The following MYO3B variants were observed in gnomAD, a reference collection of about 807,000 sequenced individuals.
The protein encoded by MYO3B is myosin-IIIb.
In MYO3B, 156 loss-of-function variants were observed where a neutral mutation model predicts 174.6. That is an observed-to-expected ratio of 0.89 (90% CI 0.78 to 1.02). MYO3B has a LOEUF of 1.02. Among genes scored for constraint, MYO3B ranks in the 50% least tolerant of loss-of-function variants. The pLI is 0.00. For missense variants in MYO3B, 1,632 were observed against 1,639.4 expected (o/e 1.00, Z 0.08); for synonymous variants, 563 against 569.1 (o/e 0.99, Z 0.15).
At chr2:170,552,570 G>A (rs1158168884) in intron 32 of MYO3B, among the ~76,000 whole-genome samples, 1 of 152,150 alleles carries the variant, frequency 6.6e-6, no homozygotes, top group Non-Finnish European at 1.5e-5. Flanking sequence ...CATAAACAAA[G>A]AAATGACCTG....
At chr2:170,190,005 T>A (rs1476142358) in intron 1 of MYO3B, among the ~76,000 whole-genome samples, 1 of 152,168 alleles carries the variant, frequency 6.6e-6, no homozygotes, top group Non-Finnish European at 1.5e-5. Flanking sequence ...CAAAGGGACA[T>A]GAGTGTTGTG....
chr2:170,178,165 T>C lies in MYO3B; in HGVS notation c.-123T>C. On this transcript the variant is annotated 5_prime_UTR_variant, in exon 1 of 35. Transcript: ENST00000408978. ...GGAACCTAGATCGAAAGTCCTTTGG[T>C]AATGATGTGTCATACATTCTAGTCA... is the stretch of plus-strand genomic sequence containing the variant. The C allele has an allele frequency of 1.7e-6, 2 of 1,199,186 alleles. No homozygotes were observed. Among genetic ancestry groups the C allele is most frequent in the Non-Finnish European group, 2.5e-6 (2 of 802,214 alleles). The allele number at this position is 1,199,186 out of a possible 1,614,324, so 74.3% of individuals were successfully genotyped here. A position where few individuals can be genotyped will look rare whatever the true frequency, so the allele number is the denominator to read the frequency against.
At chr2:170,347,136 CTG>C (rs1378669362) in intron 8 of MYO3B, among the ~76,000 whole-genome samples, 2 of 152,114 alleles carry the variant, frequency 1.3e-5, no homozygotes, top group Non-Finnish European at 1.5e-5. Context: ...TTGGAGTTGT[CTG>C]TGTGAGGAGT....
At chr2:170,244,660 G>A (rs561650628) in intron 7 of MYO3B, among the ~76,000 whole-genome samples, 1 of 152,250 alleles carries the variant, frequency 6.6e-6, no homozygotes, top group East Asian at 1.9e-4. Flanking sequence ...CTTTCGCCTT[G>A]GGATAATTAC....
chr2:170,225,222 T>C (rs887752444), intron 6 of MYO3B, among the ~76,000 whole-genome samples: 35 of 152,158 alleles, frequency 2.3e-4, no homozygotes, highest in African/African-American at 8.2e-4. Flanking sequence ...AAAAAGGGGG[T>C]GCTATTGCTA....
chr2:170,352,361 A>G (rs1193628727), intron 8 of MYO3B, among the ~76,000 whole-genome samples: 2 of 152,272 alleles, frequency 1.3e-5, no homozygotes, highest in Non-Finnish European at 1.5e-5. Flanking sequence ...TGTTAAAACT[A>G]TAGAAAAACA....
chr2:170,519,415 AG>A, intron 29 of MYO3B, 22 bp from the exon 30 acceptor site: 1 of 1,601,842 alleles, frequency 6.2e-7, no homozygotes, highest in East Asian at 2.2e-5. Flanking sequence ...ACATATGCTT[AG>A]CCCTCCTTTC....
chr2:170,389,810 A>T (rs1386963628), intron 14 of MYO3B, among the ~76,000 whole-genome samples: 1 of 152,130 alleles, frequency 6.6e-6, no homozygotes, highest in African/African-American at 2.4e-5. Flanking sequence ...ATCCTCATTC[A>T]GTCTATTAGG....
chr2:170,280,098 T>C (rs559604908), intron 7 of MYO3B, among the ~76,000 whole-genome samples: 7 of 152,282 alleles, frequency 4.6e-5, no homozygotes, highest in South Asian at 4.1e-4. Flanking sequence ...TATAAGTGTT[T>C]TGTTTTCTCC....
intron 32 of MYO3B, among the ~76,000 whole-genome samples, chr2:170,633,008 T>C (rs560030431): frequency 1.3e-4 from 19 of 151,938 alleles, no homozygotes; most frequent in Non-Finnish European, 2.4e-4. Flanking sequence ...AAGTCCAGGG[T>C]CAGACAGATT....
chr2:170,235,133 A>G (rs373957853), intron 6 of MYO3B, among the ~76,000 whole-genome samples: 10 of 152,332 alleles, frequency 6.6e-5, no homozygotes, highest in African/African-American at 2.4e-4. Context: ...GTTTTGGATC[A>G]TCAGACATTG....
At chr2:170,241,702 G>A (rs1446183213) in intron 7 of MYO3B, among the ~76,000 whole-genome samples, 11 of 151,790 alleles carry the variant, frequency 7.2e-5, no homozygotes, top group Non-Finnish European at 1.5e-4. Flanking sequence ...GGGGCAGATG[G>A]GCAAGTCACT....
intron 22 of MYO3B, among the ~76,000 whole-genome samples, chr2:170,410,575 G>A (rs1046225153): frequency 8.7e-5 from 10 of 115,152 alleles, no homozygotes; most frequent in Non-Finnish European, 1.5e-4. Context: ...GCAAGACTCC[G>A]TCTCAACAAA....
chr2:170,649,239 A>G (rs1698745372), intron 32 of MYO3B, among the ~76,000 whole-genome samples: 1 of 47,874 alleles, frequency 2.1e-5, no homozygotes. Context: ...AAAATAATAT[A>G]TATTATATAT....
At chr2:170,388,127 G>A (rs1442251304) in intron 14 of MYO3B, among the ~76,000 whole-genome samples, 2 of 151,930 alleles carry the variant, frequency 1.3e-5, no homozygotes, top group Non-Finnish European at 1.5e-5. Flanking sequence ...GCATGGCTCC[G>A]CACTTCCATA....
intron 8 of MYO3B, among the ~76,000 whole-genome samples, chr2:170,345,494 A>G (rs191714174): frequency 1.8e-4 from 28 of 152,244 alleles, no homozygotes; most frequent in East Asian, 5.8e-4. Flanking sequence ...ATTTATTTTT[A>G]GTATGAAGGG....
At chr2:170,427,112 A>C (rs2094669778) in intron 22 of MYO3B, among the ~76,000 whole-genome samples, 1 of 152,172 alleles carries the variant, frequency 6.6e-6, no homozygotes, top group African/African-American at 2.4e-5. Flanking sequence ...GATTAATACT[A>C]ATATAAGATA....
At chr2:170,645,994 G>C (rs759800982) in intron 32 of MYO3B, among the ~76,000 whole-genome samples, 1 of 152,118 alleles carries the variant, frequency 6.6e-6, no homozygotes, top group Non-Finnish European at 1.5e-5. Flanking sequence ...TGTTATGGCT[G>C]GGCACGGTGG....
intron 7 of MYO3B, among the ~76,000 whole-genome samples, chr2:170,292,613 A>G (rs1389016768): frequency 6.6e-6 from 1 of 152,100 alleles, no homozygotes; most frequent in Non-Finnish European, 1.5e-5. Context: ...TTTTGCCTCT[A>G]GGTGGTACCT....
Sources: gnomAD v4.1 joint callset for allele counts (sites outside exome capture counted in the v4.1 genomes callset) on GRCh38, gnomAD v4.1.1 for gene constraint, MANE v1.5 for transcripts, NCBI Gene and HGNC (gene_info 2026-07-23, HGNC 2026-07-21) for gene names.